LRRC8D: variants seen among roughly 807,000 people sequenced by gnomAD.
LRRC8D encodes the protein leucine rich repeat containing 8 VRAC subunit D, also known as volume-regulated anion channel subunit LRRC8D.
LRRC8D carries 20 observed loss-of-function variants against 55.8 expected under a neutral mutation model. The observed-to-expected ratio is 0.36, with a 90% CI of 0.25 to 0.52. LRRC8D has a LOEUF of 0.52. Among genes scored for constraint, LRRC8D ranks in the 20% least tolerant of loss-of-function variants. LRRC8D has a pLI of 0.93. For synonymous variants in LRRC8D, 352 were observed against 377.0 expected, an observed-to-expected ratio of 0.93 and a Z score of 0.77; for missense variants, 651 against 1,030.8, an observed-to-expected ratio of 0.63 and a Z score of 5.05.
rs1460308910 is a variant in LRRC8D at position 89,869,348 on chromosome 1, T to C, written c.-3+25566T>C. On this transcript the variant is annotated intron_variant, in intron 2 of 2. Coordinates refer to ENST00000337338, the MANE Select transcript of LRRC8D (RefSeq NM_001134479.2). Reference sequence around the variant, plus strand: ...GAACTTCGTGAAGCATACGCAAGTATCAATAGCTGAATCGATCAGGATCAA... The same window carrying C: ...GAACTTCGTGAAGCATACGCAAGTACCAATAGCTGAATCGATCAGGATCAA... 4.6e-5 allele frequency among the ~76,000 whole-genome samples: 7 copies of C among 152,232 alleles called. 1 individual carries two copies. The East Asian group carries it at 1.4e-3, about 29-fold the overall frequency.
Position 89,911,765 on chromosome 1 carries a change from G to A in LRRC8D, c.-2-21302G>A, listed in dbSNP as rs990677429. On this transcript the variant is annotated intron_variant, in intron 2 of 2. Coordinates refer to ENST00000337338, the MANE Select transcript of LRRC8D (RefSeq NM_001134479.2). This position sits in a 1 kb window ranked among gnomAD's most constrained non-coding sequence, Gnocchi z 4.0. ...GTGACTCTCAGCTGCCAGATCCAGC[G>A]GTCACTTTTGCCCCTTAACGTGCGT... 6.6e-6 allele frequency among the ~76,000 whole-genome samples: 1 copy of A among 152,106 alleles called. No homozygotes were observed. The highest frequency in any genetic ancestry group is 2.1e-4 in the South Asian group (1 of 4,814).
intron 2 of LRRC8D, among the ~76,000 whole-genome samples, chr1:89,880,643 A>C (rs560005774): frequency 1.4e-4 from 21 of 152,258 alleles, no homozygotes; most frequent in Admixed American, 2.6e-4. Context: ...AGAAAATAGA[A>C]TTTAAAGCAG....
At chr1:89,843,813 C>T (rs893825531) in intron 2 of LRRC8D, 31 bp downstream of exon 2, 16 of 635,578 alleles carry the variant, frequency 2.5e-5, no homozygotes, top group African/African-American at 2.2e-4. Context: ...GTCCAGGGAG[C>T]GGGTCGGGAA....
At chr1:89,851,269 CT>C (rs1661409835) in intron 2 of LRRC8D, among the ~76,000 whole-genome samples, 1 of 152,096 alleles carries the variant, frequency 6.6e-6, no homozygotes, top group South Asian at 2.1e-4. Flanking sequence ...TGCTTACTGA[CT>C]GCATGGGTGA....
chr1:89,887,403 G>A (rs1662447844), intron 2 of LRRC8D, among the ~76,000 whole-genome samples: 1 of 152,136 alleles, frequency 6.6e-6, no homozygotes, highest in South Asian at 2.1e-4. Context: ...GGACTTTGAT[G>A]CCTGGAACTG....
intron 2 of LRRC8D, among the ~76,000 whole-genome samples, chr1:89,866,150 C>T (rs1290719756): frequency 6.6e-6 from 1 of 152,234 alleles, no homozygotes; most frequent in Non-Finnish European, 1.5e-5. Flanking sequence ...GTCCTTTCCT[C>T]ATCAGCCTGA....
chr1:89,864,957 T>A lies in LRRC8D; in HGVS notation c.-3+21175T>A, dbSNP rs189289772. ...CTTTTGTTTGGGTAACTCCTGTGTC[T>A]TCTTTTGGTTTTAATGTCCTTCCAG... On this transcript the variant is annotated intron_variant, in intron 2 of 2. Coordinates refer to ENST00000337338, the MANE Select transcript of LRRC8D (RefSeq NM_001134479.2). 1.2e-4 allele frequency among the ~76,000 whole-genome samples: 18 copies of A among 152,330 alleles called. No individual in the cohort carries two copies. The East Asian group carries it at 3.1e-3, about 26-fold the overall frequency.
intron 2 of LRRC8D, among the ~76,000 whole-genome samples, chr1:89,919,427 G>A (rs1453027640): frequency 1.3e-5 from 2 of 152,146 alleles, no homozygotes; most frequent in African/African-American, 2.4e-5. Context: ...CAACTTCCTG[G>A]GACCATGGAA....
chr1:89,876,322 C>T (rs187063636), intron 2 of LRRC8D, among the ~76,000 whole-genome samples: 1 of 152,176 alleles, frequency 6.6e-6, no homozygotes, highest in African/African-American at 2.4e-5. Flanking sequence ...AGGATTAAAA[C>T]CACCGTGGGG....
chr1:89,866,054 C>T (rs1353641393), intron 2 of LRRC8D, among the ~76,000 whole-genome samples: 2 of 152,204 alleles, frequency 1.3e-5, no homozygotes, highest in African/African-American at 4.8e-5. Flanking sequence ...CTTTGCTCTA[C>T]AATACCTGCA....
At chr1:89,873,454 C>T (rs1447395057) in intron 2 of LRRC8D, among the ~76,000 whole-genome samples, 1 of 152,258 alleles carries the variant, frequency 6.6e-6, no homozygotes, top group East Asian at 1.9e-4. Flanking sequence ...CTGGAGGCAG[C>T]AAATGACTAG....
intron 2 of LRRC8D, among the ~76,000 whole-genome samples, chr1:89,865,810 A>G (rs1190750108): frequency 6.6e-6 from 1 of 152,230 alleles, no homozygotes; most frequent in Admixed American, 6.5e-5. Context: ...AACTCCAAAT[A>G]TATATCTAAT....
At chr1:89,885,208 C>T (rs1032763270) in intron 2 of LRRC8D, among the ~76,000 whole-genome samples, 5 of 152,186 alleles carry the variant, frequency 3.3e-5, no homozygotes, top group South Asian at 2.1e-4. Context: ...TATGACTACT[C>T]AGTACGAATT....
At chr1:89,880,145 G>A (rs1262321912) in intron 2 of LRRC8D, among the ~76,000 whole-genome samples, 1 of 151,106 alleles carries the variant, frequency 6.6e-6, no homozygotes, top group Non-Finnish European at 1.5e-5. Context: ...ATTGGTTGGG[G>A]CAAGGAGGAA....
In LRRC8D at chr1:89,843,753, C is replaced by T. The variant is rs1348438118; in HGVS notation, c.-32C>T. On this transcript the variant is annotated 5_prime_UTR_variant, in exon 2 of 3. Transcript: ENST00000337338. ...CCAAGCCGCGTCCCCAGAGAGCGCC[C>T]TGAGAGAACAGGGTGGCCGCTTGGT... 1 of 698,140 alleles carries T rather than the reference C, an allele frequency of 1.4e-6. No individual in the cohort carries two copies. Among genetic ancestry groups the T allele is most frequent in the East Asian group, 2.7e-5 (1 of 37,084 alleles). 43.2% of individuals were successfully genotyped at this position (698,140 alleles called of 1,614,324 possible).
intron 1 of LRRC8D, among the ~76,000 whole-genome samples, chr1:89,834,428 T>A (rs1041009571): frequency 2.0e-5 from 3 of 152,206 alleles, no homozygotes; most frequent in African/African-American, 7.2e-5. Context: ...GTCATTGGTG[T>A]TCCATTTCAA....
chr1:89,870,375 C>T (rs550436877), intron 2 of LRRC8D, among the ~76,000 whole-genome samples: 1 of 151,904 alleles, frequency 6.6e-6, no homozygotes, highest in East Asian at 1.9e-4. Context: ...ACACGGGAGG[C>T]TGAGGCAGGA....
intron 2 of LRRC8D, among the ~76,000 whole-genome samples, chr1:89,932,605 A>C (rs1050966602): frequency 6.6e-6 from 1 of 152,234 alleles, no homozygotes; most frequent in Non-Finnish European, 1.5e-5. Flanking sequence ...GGAATCAACC[A>C]TTAGTAAGTG....
intron 1 of LRRC8D, among the ~76,000 whole-genome samples, chr1:89,822,962 CGA>C (rs1322849287): frequency 6.6e-6 from 1 of 152,050 alleles, no homozygotes; most frequent in African/African-American, 2.4e-5. Flanking sequence ...ACAGGGGTCA[CGA>C]AAAGTTGATT....
Sources: gnomAD v4.1 joint callset for allele counts (sites outside exome capture counted in the v4.1 genomes callset) on GRCh38, gnomAD v4.1.1 for gene constraint, Gnocchi (gnomAD v3.1) non-coding constraint, MANE v1.5 for transcripts, NCBI Gene and HGNC (gene_info 2026-07-23, HGNC 2026-07-21) for gene names.